The following USP47 variants were observed in gnomAD, a reference collection of about 807,000 sequenced individuals.
USP47 encodes the protein ubiquitin specific peptidase 47.
Under a neutral mutation model 165.1 loss-of-function variants are expected in USP47, and 35 were observed. That is an observed-to-expected ratio of 0.21 (90% CI 0.16 to 0.28). The LOEUF is 0.28. USP47 is among the 10% of genes least tolerant of loss of function. The pLI, the probability that USP47 is intolerant of heterozygous loss-of-function variation, is 1.00. For synonymous variants in USP47, 531 were observed against 544.5 expected, an observed-to-expected ratio of 0.98 and a Z score of 0.35; for missense variants, 1,277 against 1,607.4, an observed-to-expected ratio of 0.79 and a Z score of 3.52.
At chr11:11,885,397 G>T (rs1398454920) in intron 3 of USP47, among the ~76,000 whole-genome samples, 1 of 152,222 alleles carries the variant, frequency 6.6e-6, no homozygotes, top group African/African-American at 2.4e-5. Flanking sequence ...GAAAAGCAGG[G>T]TGGGGCGATG....
intron 1 of USP47, among the ~76,000 whole-genome samples, chr11:11,862,569 G>A (rs138207788): frequency 2.3e-3 from 354 of 152,166 alleles, no homozygotes; most frequent in African/African-American, 8.1e-3. Flanking sequence ...TAGAAAAACT[G>A]ATATAAATCC....
rs766627746 is a variant in USP47, at chr11:11,936,351, A to G, written c.1918A>G (p.Lys640Glu). The part of the protein sequence containing the change: ...VIPLDCCRLV[K>E]YDEFHDYLER... ...ACCCCTGGATTGCTGTCGCCTTGTT[A>G]AATATGATGAGTTTCATGATTATCT... Residue 640 changes from lysine (K) to glutamate (E), a missense_variant, in exon 17 of 28, where the codon AAA (lysine) becomes GAA (glutamate). By Grantham distance (56) the Lys-to-Glu change is moderately conservative. This residue lies in a region of USP47 where 909 missense variants were observed against 1,068.1 expected (regional missense o/e 0.85). Coordinates refer to ENST00000527733, the MANE Select transcript of USP47 (RefSeq NM_001282659.2). 1 of 1,607,414 alleles carries G rather than the reference A, an allele frequency of 6.2e-7. No homozygotes were observed. Among genetic ancestry groups the G allele is most frequent in the Non-Finnish European group, 8.5e-7 (1 of 1,175,756 alleles).
intron 16 of USP47, 124 bp from the exon 17 acceptor site, chr11:11,936,179 A>G (rs1049171871): frequency 2.5e-6 from 1 of 396,486 alleles, no homozygotes; most frequent in Non-Finnish European, 3.9e-6. Context: ...AAATGTGTGG[A>G]TTTTGTTAGG....
In USP47 at chr11:11,952,789, G is replaced by A. The variant is rs765095780; in HGVS notation, c.3632G>A (p.Arg1211Gln). 1.1e-4 allele frequency: 175 copies of A among 1,612,818 alleles called. No individual in the cohort carries two copies. Among genetic ancestry groups the A allele is most frequent in the Non-Finnish European group, 1.4e-4 (168 of 1,179,348 alleles). ...TCACAGCTTGCAGTTTTGTCAAGACGGTGGAAGCCTTCAGAGATGAAGTTG... is the reference window on the plus strand; with the variant it reads ...TCACAGCTTGCAGTTTTGTCAAGACAGTGGAAGCCTTCAGAGATGAAGTTG... ...SMSQLAVLSRRWKPSEMKLDP... is the reference protein window; with the variant it reads ...SMSQLAVLSRQWKPSEMKLDP... Residue 1211 changes from arginine to glutamine, a missense_variant, in exon 25 of 28, where the codon CGG becomes CAG. By Grantham distance (43) the Arg-to-Gln change is conservative (BLOSUM62 1). Around this residue, in one of 4 missense-constraint regions of USP47, gnomAD observed 909 missense variants for 1,068.1 expected, o/e 0.85. Coordinates refer to ENST00000527733, the MANE Select transcript of USP47 (RefSeq NM_001282659.2).
rs914457813 is a variant in USP47 at position 11,961,790 on chromosome 11, A to G, written c.*5615A>G. Among the ~76,000 whole-genome samples, 1 of 152,248 alleles carries G rather than the reference A, an allele frequency of 6.6e-6. No individual in the cohort carries two copies. The highest frequency in any genetic ancestry group is 2.4e-5 in the African/African-American group (1 of 41,464). Reference sequence around the variant, plus strand: ...GAGGGACTGAGAACAGCTGTTGAGCAGTTTACCTGACGGCATCTGCCATGG... The same window carrying G: ...GAGGGACTGAGAACAGCTGTTGAGCGGTTTACCTGACGGCATCTGCCATGG... On this transcript the variant is annotated 3_prime_UTR_variant, in exon 28 of 28. Coordinates refer to ENST00000527733, the MANE Select transcript of USP47 (RefSeq NM_001282659.2).
intron 1 of USP47, among the ~76,000 whole-genome samples, chr11:11,871,488 C>T (rs1303355571): frequency 1.9e-5 from 2 of 107,986 alleles, no homozygotes; most frequent in African/African-American, 3.5e-5. Flanking sequence ...GGCAACAGAG[C>T]GAAACTCCCT....
chr11:11,883,133 C>T (rs1417796386), intron 2 of USP47, among the ~76,000 whole-genome samples: 2 of 152,192 alleles, frequency 1.3e-5, no homozygotes, highest in African/African-American at 4.8e-5. Context: ...GTGATCTGAT[C>T]ATGTCCCACC....
At chr11:11,934,448 A>G (rs954351551) in intron 16 of USP47, among the ~76,000 whole-genome samples, 3 of 152,154 alleles carry the variant, frequency 2.0e-5, no homozygotes, top group Non-Finnish European at 2.9e-5. Context: ...AACTTTAACC[A>G]TGAGAAAGGG....
chr11:11,909,503 G>A lies in USP47; in HGVS notation c.969+3955G>A, dbSNP rs188369257. 2.4e-4 allele frequency among the ~76,000 whole-genome samples: 36 copies of A among 152,166 alleles called. No individual in the cohort carries two copies. The South Asian group carries it at 2.7e-3, about 11-fold the overall frequency. On this transcript the variant is annotated intron_variant, in intron 8 of 27. Transcript: ENST00000527733. The stretch of plus-strand genomic sequence containing the variant: ...TTATAAATTAAAGAAAAACAATGTA[G>A]CCTCATGTTTGACATTATCTAAGGA...
At chr11:11,930,282 A>G (rs1854570316) in intron 13 of USP47, among the ~76,000 whole-genome samples, 162 bp downstream of exon 13, 1 of 152,202 alleles carries the variant, frequency 6.6e-6, no homozygotes. Context: ...GAACACTGAC[A>G]TAGCCATTTG....
At chr11:11,927,110 A>G (rs949349441) in intron 11 of USP47, among the ~76,000 whole-genome samples, 5 of 152,026 alleles carry the variant, frequency 3.3e-5, no homozygotes, top group African/African-American at 1.2e-4. Flanking sequence ...TTCTTTCAAC[A>G]TGAAATATTT....
At chr11:11,844,317 C>T (rs865920504) in intron 1 of USP47, among the ~76,000 whole-genome samples, 3 of 152,140 alleles carry the variant, frequency 2.0e-5, no homozygotes, top group African/African-American at 7.2e-5. Context: ...TTAGTCAAGG[C>T]CTTTCTCTTC....
chr11:11,876,365 C>T (rs1047842866), intron 1 of USP47, among the ~76,000 whole-genome samples: 1 of 152,162 alleles, frequency 6.6e-6, no homozygotes, highest in Admixed American at 6.5e-5. Flanking sequence ...GTACCTTTCC[C>T]TCCCTACCAA....
intron 8 of USP47, among the ~76,000 whole-genome samples, chr11:11,912,720 A>T (rs79494848): frequency 6.6e-6 from 1 of 151,870 alleles, no homozygotes; most frequent in Non-Finnish European, 1.5e-5. Context: ...GACAGTTCTT[A>T]AAAAAAACAG....
Position 11,956,930 on chromosome 11 carries a change from TGTTGA to T in USP47, c.*759_*763del, listed in dbSNP as rs904800355. ...TTCAGCATGTAAATAAAATTGATCC[TGTTGA>T]GTTATCATAATTGCAGTTCAACTAT... On this transcript the variant is annotated 3_prime_UTR_variant, in exon 28 of 28. Coordinates refer to ENST00000527733, the MANE Select transcript of USP47 (RefSeq NM_001282659.2). 16 of 152,372 alleles carry T rather than the reference TGTTGA, an allele frequency of 1.1e-4. No individual in the cohort carries two copies. The highest frequency in any genetic ancestry group is 2.2e-4 in the African/African-American group (9 of 41,580). 9.4% of individuals were successfully genotyped at this position (152,372 alleles called of 1,614,324 possible).
Position 11,890,976 on chromosome 11 carries a change from C to T in USP47, c.358-992C>T, listed in dbSNP as rs1358980386. Among the ~76,000 whole-genome samples the T allele has an allele frequency of 4.6e-5, 7 of 151,998 alleles. No homozygotes were observed. In the East Asian group the frequency reaches 9.7e-4, roughly 21 times the overall value. The stretch of plus-strand genomic sequence containing the variant: ...GCTGAATGATGAGAACACGTGGACA[C>T]AGGGAGGGAACAACACACACTGGGG... On this transcript the variant is annotated intron_variant, in intron 3 of 27. Coordinates refer to ENST00000527733, the MANE Select transcript of USP47 (RefSeq NM_001282659.2).
intron 5 of USP47, among the ~76,000 whole-genome samples, chr11:11,898,592 A>G (rs1851995244): frequency 6.6e-6 from 1 of 152,088 alleles, no homozygotes; most frequent in African/African-American, 2.4e-5. Flanking sequence ...GTGGATAGAG[A>G]GGGAATTAGT....
chr11:11,933,752 CAATTA>C, intron 15 of USP47, 74 bp from the exon 16 acceptor site: 1 of 982,396 alleles, frequency 1.0e-6, no homozygotes, highest in South Asian at 1.4e-5. Flanking sequence ...AGTATTTTGA[CAATTA>C]GGAATAAATG....
At chr11:11,899,653 T>C (rs2134429966) in intron 5 of USP47, among the ~76,000 whole-genome samples, 1 of 152,074 alleles carries the variant, frequency 6.6e-6, no homozygotes, top group South Asian at 2.1e-4. Flanking sequence ...CCTCTAAAGA[T>C]TTACAGTAAG....
Sources: allele counts gnomAD v4.1 joint callset (sites outside exome capture counted in the v4.1 genomes callset), GRCh38; gene constraint gnomAD v4.1.1; regional missense constraint gnomAD v4.1.1; transcripts MANE v1.5; gene names NCBI Gene and HGNC (gene_info 2026-07-23, HGNC 2026-07-21).